SENP8: variants seen among roughly 807,000 people sequenced by gnomAD.
SENP8 encodes SUMO peptidase family member, NEDD8 specific, also known as sentrin-specific protease 8.
A neutral mutation model predicts 14.4 loss-of-function variants in SENP8; 10 were observed. That is an observed-to-expected ratio of 0.69 (90% CI 0.43 to 1.18). The LOEUF is 1.18. SENP8 is among the 50% of genes most tolerant of loss of function. The pLI is 0.00. For missense variants in SENP8, 202 were observed against 249.4 expected, an observed-to-expected ratio of 0.81 and a Z score of 1.28; for synonymous variants, 94 against 95.5, an observed-to-expected ratio of 0.98 and a Z score of 0.09.
chr15:72,135,704 C>T (rs1008902846), intron 1 of SENP8, among the ~76,000 whole-genome samples: 9 of 152,212 alleles, frequency 5.9e-5, no homozygotes, highest in Non-Finnish European at 8.8e-5. Context: ...CCTTGATTAA[C>T]ATTTTGTCTA....
upstream of SENP8, among the ~76,000 whole-genome samples, chr15:72,114,802 A>T (rs1435863386): frequency 6.6e-6 from 1 of 152,214 alleles, no homozygotes; most frequent in Non-Finnish European, 1.5e-5. Flanking sequence ...GGTTTTTAAA[A>T]TGTCTGAAAA....
chr15:72,135,888 C>T (rs2081323456), intron 1 of SENP8, among the ~76,000 whole-genome samples: 1 of 152,194 alleles, frequency 6.6e-6, no homozygotes, highest in African/African-American at 2.4e-5. Context: ...GGTGTGATTT[C>T]AGCAGGCAGT....
At chr15:72,136,635 C>T (rs774441369) in intron 1 of SENP8, among the ~76,000 whole-genome samples, 55 of 151,992 alleles carry the variant, frequency 3.6e-4, no homozygotes, top group Non-Finnish European at 6.5e-4. Context: ...GTTTTTGCAG[C>T]GTTTTGTTAC....
intron 1 of SENP8, among the ~76,000 whole-genome samples, chr15:72,129,458 G>A (rs553328800): frequency 6.6e-6 from 1 of 151,794 alleles, no homozygotes; most frequent in East Asian, 2.0e-4. Flanking sequence ...CGCCTCCTGG[G>A]TTCAAGCGAT....
chr15:72,119,061 C>T (rs900777236), intron 1 of SENP8, among the ~76,000 whole-genome samples: 5 of 152,178 alleles, frequency 3.3e-5, no homozygotes, highest in African/African-American at 7.2e-5. Flanking sequence ...CTGATGGAAA[C>T]CGTACTAGTG....
chr15:72,142,261 A>T lies in SENP8; in HGVS notation c.*1999A>T, dbSNP rs1295490316. 2 of 152,200 alleles carry T rather than the reference A, an allele frequency of 1.3e-5. No individual in the cohort carries two copies. The allele number at this position is 152,200 out of a possible 1,614,324, so 9.4% of individuals were successfully genotyped here. Reference sequence around the variant, plus strand: ...CTGTGCCACAGATTAGTGTCCTCCTATGAAATTTTGAGTATGTCATTTGTA... The same window carrying T: ...CTGTGCCACAGATTAGTGTCCTCCTTTGAAATTTTGAGTATGTCATTTGTA... On this transcript the variant is annotated 3_prime_UTR_variant, in exon 2 of 2. Coordinates refer to ENST00000340912, the MANE Select transcript of SENP8 (RefSeq NM_145204.4).
In SENP8 at chr15:72,140,071, G is replaced by A. The variant is rs1484973686; in HGVS notation, c.448G>A (p.Val150Met). The change falls in exon 2 of 2, where the codon GTG (valine) becomes ATG (methionine). Residue 150 changes from valine (V) to methionine (M), a missense_variant. Transcript: ENST00000340912. ...LGRKGDKLAF[V>M]EEKAPAQQNS... is the part of the protein sequence containing the mutation. ...CAGAAAAGGAGACAAACTGGCCTTTGTGGAAGAGAAAGCCCCTGCCCAACA... is the reference window on the plus strand; with the variant it reads ...CAGAAAAGGAGACAAACTGGCCTTTATGGAAGAGAAAGCCCCTGCCCAACA... 2 of 1,614,050 alleles carry A rather than the reference G, an allele frequency of 1.2e-6. No individual in the cohort carries two copies. Among genetic ancestry groups the A allele is most frequent in the Non-Finnish European group, 1.7e-6 (2 of 1,180,050 alleles).
At chr15:72,120,527 G>A (rs1431338089) in intron 1 of SENP8, among the ~76,000 whole-genome samples, 2 of 152,176 alleles carry the variant, frequency 1.3e-5, no homozygotes, top group East Asian at 1.9e-4. Flanking sequence ...TAATTAATAA[G>A]TACAAAAAAG....
intron 1 of SENP8, among the ~76,000 whole-genome samples, chr15:72,123,616 C>A (rs528125484): frequency 4.8e-4 from 73 of 151,844 alleles, no homozygotes; most frequent in Middle Eastern, 3.4e-3. Context: ...TCTTGGCTCA[C>A]CACAACCGCC....
intron 1 of SENP8, among the ~76,000 whole-genome samples, chr15:72,131,127 C>G (rs1420334446): frequency 6.6e-6 from 1 of 152,074 alleles, no homozygotes; most frequent in Non-Finnish European, 1.5e-5. Context: ...GGCCTTGAGC[C>G]CAAGAGTTCA....
intron 1 of SENP8, among the ~76,000 whole-genome samples, chr15:72,126,015 G>T (rs886133877): frequency 2.6e-5 from 4 of 152,016 alleles, no homozygotes; most frequent in Admixed American, 6.6e-5. Flanking sequence ...TAGAGATGGG[G>T]TTTTGCCATA....
At chr15:72,137,640 T>C (rs568965874) in intron 1 of SENP8, among the ~76,000 whole-genome samples, 36 of 152,276 alleles carry the variant, frequency 2.4e-4, no homozygotes, top group African/African-American at 8.7e-4. Flanking sequence ...CACGTTCCAT[T>C]ATGGAAGGAG....
upstream of SENP8, chr15:72,114,301 C>T (rs1328005612): frequency 3.9e-5 from 6 of 152,218 alleles, no homozygotes; most frequent in Non-Finnish European, 1.5e-5. Context: ...GAGGGCATGA[C>T]AAGAGGCAGA....
intron 1 of SENP8, among the ~76,000 whole-genome samples, chr15:72,119,859 G>A (rs2081141423): frequency 2.0e-5 from 3 of 152,226 alleles, no homozygotes; most frequent in African/African-American, 7.2e-5. Flanking sequence ...AATGGGAGAA[G>A]GAGCCACTCT....
At chr15:72,132,034 A>G (rs1306938482) in intron 1 of SENP8, among the ~76,000 whole-genome samples, 3 of 152,330 alleles carry the variant, frequency 2.0e-5, no homozygotes, top group African/African-American at 7.2e-5. Context: ...TTATGTTATT[A>G]CTACCTCATC....
At chr15:72,116,011 T>TAA (rs980793440), upstream of SENP8, among the ~76,000 whole-genome samples, 2 of 151,944 alleles carry the variant, frequency 1.3e-5, no homozygotes, top group Non-Finnish European at 2.9e-5. Context: ...TAGTATTAAG[T>TAA]AAAAAAAACA....
upstream of SENP8, among the ~76,000 whole-genome samples, chr15:72,115,849 T>C (rs1038224132): frequency 1.3e-5 from 2 of 152,126 alleles, no homozygotes; most frequent in Non-Finnish European, 1.5e-5. Context: ...TAAACATACA[T>C]ATAACATCAG....
At chr15:72,132,358 A>T (rs2081281146) in intron 1 of SENP8, among the ~76,000 whole-genome samples, 1 of 152,184 alleles carries the variant, frequency 6.6e-6, no homozygotes, top group Non-Finnish European at 1.5e-5. Flanking sequence ...AAAACCAAAG[A>T]ATAAGGATGT....
rs745330530 is a variant in SENP8, at chr15:72,139,830, A to C, written c.207A>C (p.Ala69=). The C allele has an allele frequency of 6.2e-7, 1 of 1,614,242 alleles. No individual in the cohort carries two copies. The highest frequency in any genetic ancestry group is 1.3e-5 in the African/African-American group (1 of 75,056). ...TCATCAAGTGCACTAGCAACCCAGC[A>C]GAGATTGCCATGTTCCTTGAACCAC... ...TQFIKCTSNP[A]EIAMFLEPLD... The change falls in exon 2 of 2, where the codon GCA becomes GCC. Residue 69 remains alanine (A), a synonymous_variant. Transcript: ENST00000340912.
Sources: allele counts gnomAD v4.1 joint callset (sites outside exome capture counted in the v4.1 genomes callset), GRCh38; gene constraint gnomAD v4.1.1; transcripts MANE v1.5; gene names NCBI Gene and HGNC (gene_info 2026-07-23, HGNC 2026-07-21).